The following GMDS variants were observed in gnomAD, a reference collection of about 807,000 sequenced individuals.
GMDS encodes GDP-mannose 4,6 dehydratase.
GMDS carries 20 observed loss-of-function variants against 49.9 expected under a neutral mutation model. The ratio of observed to expected loss-of-function variants is 0.40; its 90% CI spans 0.28 to 0.58. The LOEUF (loss-of-function observed/expected upper bound fraction) is 0.58, where lower values mean the gene tolerates loss of function less well. GMDS is among the 20% of genes least tolerant of loss of function. The probability of loss-of-function intolerance (pLI) is 0.42; values close to 1 mark genes in which losing one functional copy is unlikely to be tolerated. For synonymous variants in GMDS, 177 were observed against 178.6 expected (o/e 0.99, Z 0.07); for missense variants, 362 against 481.4 (o/e 0.75, Z 2.32).
rs186031109 is a variant in GMDS at position 2,029,318 on chromosome 6, C to T, written c.346-68352G>A. 2.6e-5 allele frequency among the ~76,000 whole-genome samples: 4 copies of T among 152,262 alleles called. No individual in the cohort carries two copies. In the East Asian group the frequency reaches 7.7e-4, roughly 29 times the overall value. On this transcript the variant is annotated intron_variant, in intron 4 of 10. Coordinates refer to ENST00000380815, the MANE Select transcript of GMDS (RefSeq NM_001500.4). Reference sequence around the variant, plus strand: ...ATAAATCATAACCTTTATTTAATTACTCAGCAGGTGACTGTCCGGTTTGTC... The same window carrying T: ...ATAAATCATAACCTTTATTTAATTATTCAGCAGGTGACTGTCCGGTTTGTC...
chr6:1,966,080 G>A (rs1405701124), intron 4 of GMDS, among the ~76,000 whole-genome samples: 1 of 152,210 alleles, frequency 6.6e-6, no homozygotes, highest in South Asian at 2.1e-4. Context: ...TTGAATAGCT[G>A]CAACAGAGTT....
At chr6:1,868,229 C>A (rs1404517130) in intron 7 of GMDS, among the ~76,000 whole-genome samples, 2 of 152,254 alleles carry the variant, frequency 1.3e-5, no homozygotes, top group East Asian at 3.9e-4. Context: ...TTGTGACCTG[C>A]CTGCCTCGGC....
intron 1 of GMDS, among the ~76,000 whole-genome samples, chr6:2,218,327 C>A (rs958176213): frequency 1.3e-5 from 2 of 152,172 alleles, no homozygotes; most frequent in African/African-American, 4.8e-5. Flanking sequence ...CAGTAAACAG[C>A]AAAAAGGAAC....
intron 6 of GMDS, among the ~76,000 whole-genome samples, chr6:1,934,931 C>T (rs1762454937): frequency 6.6e-6 from 1 of 152,188 alleles, no homozygotes; most frequent in Non-Finnish European, 1.5e-5. Flanking sequence ...GAGCCGGACC[C>T]AGGCCTGTCT....
intron 4 of GMDS, among the ~76,000 whole-genome samples, chr6:2,092,032 T>C (rs1001077844): frequency 3.9e-5 from 6 of 152,124 alleles, no homozygotes; most frequent in Admixed American, 2.0e-4. Context: ...AACAACCCTT[T>C]CTAAATATTA....
intron 4 of GMDS, among the ~76,000 whole-genome samples, chr6:2,097,533 T>C (rs762394873): frequency 6.6e-6 from 1 of 152,200 alleles, no homozygotes; most frequent in Non-Finnish European, 1.5e-5. Context: ...ATCCACTGTT[T>C]TCCCCCCTTA....
chr6:2,214,449 T>C (rs1780223895), intron 1 of GMDS, among the ~76,000 whole-genome samples: 1 of 152,170 alleles, frequency 6.6e-6, no homozygotes. Context: ...CCCTAAACAA[T>C]ACAGTATAAC....
At chr6:1,680,144 CA>C (rs768258264) in intron 9 of GMDS, among the ~76,000 whole-genome samples, 10 of 152,174 alleles carry the variant, frequency 6.6e-5, no homozygotes, top group Non-Finnish European at 1.3e-4. Context: ...CAGCTGGTCA[CA>C]AAGAGGAAAT....
rs1380882445 is a variant in GMDS at position 2,191,794 on chromosome 6, C to T, written c.102+53527G>A. Reference sequence around the variant, plus strand: ...GATGAGCAGCCTGGGTACCACAGACCATGGCAGGAAGCAGACAGGCTCCGG... The same window carrying T: ...GATGAGCAGCCTGGGTACCACAGACTATGGCAGGAAGCAGACAGGCTCCGG... On this transcript the variant is annotated intron_variant, in intron 1 of 10. Transcript: ENST00000380815. The surrounding 1 kb of genome is among the most constrained non-coding windows in gnomAD (Gnocchi z 4.6). 6.6e-6 allele frequency among the ~76,000 whole-genome samples: 1 copy of T among 152,190 alleles called. No homozygotes were observed. Among genetic ancestry groups the T allele is most frequent in the Non-Finnish European group, 1.5e-5 (1 of 68,024 alleles).
chr6:1,641,663 T>A (rs1358981148), intron 9 of GMDS, among the ~76,000 whole-genome samples: 1 of 152,158 alleles, frequency 6.6e-6, no homozygotes, highest in African/African-American at 2.4e-5. Context: ...AGGCATTACC[T>A]CCAGCAGTCA....
At chr6:1,983,388 T>C (rs1184163950) in intron 4 of GMDS, among the ~76,000 whole-genome samples, 1 of 152,152 alleles carries the variant, frequency 6.6e-6, no homozygotes, top group East Asian at 1.9e-4. Context: ...TTGTATCTAA[T>C]TAAACAGAAG....
At chr6:2,106,969 T>C (rs1774279656) in intron 4 of GMDS, among the ~76,000 whole-genome samples, 1 of 152,178 alleles carries the variant, frequency 6.6e-6, no homozygotes, top group Non-Finnish European at 1.5e-5. Context: ...TTGTGGTAAA[T>C]ATGTTCATTT....
At chr6:1,755,091 T>A (rs1025550337) in intron 7 of GMDS, among the ~76,000 whole-genome samples, 2 of 152,204 alleles carry the variant, frequency 1.3e-5, no homozygotes, top group African/African-American at 2.4e-5. Context: ...GTAAGTCAAA[T>A]TATCTGTTTG....
At chr6:1,969,998 T>C (rs1230119596) in intron 4 of GMDS, among the ~76,000 whole-genome samples, 1 of 152,186 alleles carries the variant, frequency 6.6e-6, no homozygotes, top group Non-Finnish European at 1.5e-5. Flanking sequence ...GGCATATAAT[T>C]CCCCAATGAT....
At chr6:2,134,582 A>G (rs1775902112) in intron 1 of GMDS, among the ~76,000 whole-genome samples, 1 of 152,240 alleles carries the variant, frequency 6.6e-6, no homozygotes, top group Non-Finnish European at 1.5e-5. Flanking sequence ...AAAAGCAGGT[A>G]GGTGTCTCTG....
intron 9 of GMDS, among the ~76,000 whole-genome samples, chr6:1,673,613 G>T (rs1438735815): frequency 6.6e-6 from 1 of 151,928 alleles, no homozygotes; most frequent in Non-Finnish European, 1.5e-5. Context: ...TACAGATTTT[G>T]ACAAACGTAT....
Position 2,141,236 on chromosome 6 carries a change from G to A in GMDS, c.103-16505C>T, listed in dbSNP as rs1027765074. ...GGGCATCTGCAGTAAGAAGCACCTG[G>A]CCAGTATGGATCTTCCTGTGGAGAC... On this transcript the variant is annotated intron_variant, in intron 1 of 10. Transcript: ENST00000380815. Among the ~76,000 whole-genome samples the A allele has an allele frequency of 3.3e-5, 5 of 152,228 alleles. No individual in the cohort carries two copies. In the East Asian group the frequency reaches 9.7e-4, roughly 29 times the overall value.
rs548493245 is a variant in GMDS at position 2,219,417 on chromosome 6, C to T, written c.102+25904G>A. ...GACAACATAGAACTTACTATATGGACGATATTCGTAATCACTTTACACAGG... is the reference window on the plus strand; with the variant it reads ...GACAACATAGAACTTACTATATGGATGATATTCGTAATCACTTTACACAGG... On this transcript the variant is annotated intron_variant, in intron 1 of 10. Transcript: ENST00000380815. Among the ~76,000 whole-genome samples the T allele has an allele frequency of 1.2e-4, 18 of 152,226 alleles. No homozygotes were observed. The South Asian group carries it at 1.7e-3, about 14-fold the overall frequency.
Position 1,833,737 on chromosome 6 carries a change from C to T in GMDS, c.772-91151G>A, listed in dbSNP as rs2113731555. ...AAAAAACCATTTTCACATGGAAGGGCAGTGGGTTGAAAGATCCTCATTATT... is the reference window on the plus strand; with the variant it reads ...AAAAAACCATTTTCACATGGAAGGGTAGTGGGTTGAAAGATCCTCATTATT... On this transcript the variant is annotated intron_variant, in intron 7 of 10. Coordinates refer to ENST00000380815, the MANE Select transcript of GMDS (RefSeq NM_001500.4). The surrounding 1 kb of genome is among the most constrained non-coding windows in gnomAD (Gnocchi z 4.4). Among the ~76,000 whole-genome samples the T allele has an allele frequency of 6.6e-6, 1 of 152,298 alleles. No homozygotes were observed. Among genetic ancestry groups the T allele is most frequent in the South Asian group, 2.1e-4 (1 of 4,824 alleles).
Sources: gnomAD v4.1 joint callset for allele counts (sites outside exome capture counted in the v4.1 genomes callset) on GRCh38, gnomAD v4.1.1 for gene constraint, Gnocchi (gnomAD v3.1) non-coding constraint, MANE v1.5 for transcripts, NCBI Gene and HGNC (gene_info 2026-07-23, HGNC 2026-07-21) for gene names.